The following TLK1 variants were observed in gnomAD, a reference collection of about 807,000 sequenced individuals.
The protein encoded by TLK1 is tousled like kinase 1, also known as serine/threonine-protein kinase tousled-like 1.
TLK1 carries 24 observed loss-of-function variants against 105.3 expected under a neutral mutation model. That is an observed-to-expected ratio of 0.23 (90% CI 0.17 to 0.32). The LOEUF is 0.32. Among genes scored for constraint, TLK1 ranks in the 10% least tolerant of loss-of-function variants. The pLI is 1.00. For missense variants in TLK1, 558 were observed against 910.5 expected (o/e 0.61, Z 4.98); for synonymous variants, 321 against 310.4 (o/e 1.03, Z -0.36).
intron 3 of TLK1, chr2:171,067,095 C>A: frequency 4.3e-6 from 4 of 932,388 alleles, no homozygotes; most frequent in Non-Finnish European, 4.5e-6. Context: ...TAGGTCTGTA[C>A]AATTATTTCT....
chr2:171,093,773 T>C (rs1054855913), intron 2 of TLK1, among the ~76,000 whole-genome samples: 2 of 152,134 alleles, frequency 1.3e-5, no homozygotes, highest in Non-Finnish European at 1.5e-5. Context: ...GTCAAATCTA[T>C]GGGGAAGAAT....
At chr2:171,084,508 G>A (rs930036) in intron 2 of TLK1, among the ~76,000 whole-genome samples, 70,530 of 152,032 alleles carry the variant, frequency 0.46, 18,267 homozygotes, top group African/African-American at 0.71. Flanking sequence ...GTTTTGAAGC[G>A]TGCCTAAAAA....
At chr2:171,187,263 A>G (rs544837753) in intron 1 of TLK1, among the ~76,000 whole-genome samples, 2 of 152,116 alleles carry the variant, frequency 1.3e-5, no homozygotes, top group East Asian at 3.9e-4. Flanking sequence ...ATCCACTCCT[A>G]GGAGCTTCCT....
chr2:171,081,180 A>T (rs190441488), intron 3 of TLK1, among the ~76,000 whole-genome samples: 1 of 152,330 alleles, frequency 6.6e-6, no homozygotes, highest in East Asian at 1.9e-4. Flanking sequence ...GATCCTTGGG[A>T]TCTTTAAAGG....
intron 3 of TLK1, among the ~76,000 whole-genome samples, chr2:171,074,791 C>T (rs544696571): frequency 6.6e-6 from 1 of 152,166 alleles, no homozygotes; most frequent in Admixed American, 6.5e-5. Flanking sequence ...ATCACACTAA[C>T]ATATTTTAGA....
chr2:171,120,498 T>C (rs1418133095), intron 1 of TLK1, among the ~76,000 whole-genome samples: 1 of 152,104 alleles, frequency 6.6e-6, no homozygotes, highest in Non-Finnish European at 1.5e-5. Flanking sequence ...TACAAATTTT[T>C]CCAAAGAAGA....
intron 2 of TLK1, among the ~76,000 whole-genome samples, chr2:171,098,057 T>G (rs1486465068): frequency 2.6e-5 from 4 of 152,040 alleles, no homozygotes; most frequent in Non-Finnish European, 4.4e-5. Flanking sequence ...TGAAATCTCA[T>G]GAAGCAATGA....
intron 1 of TLK1, among the ~76,000 whole-genome samples, chr2:171,144,209 T>C (rs533439599): frequency 1.1e-4 from 17 of 151,998 alleles, no homozygotes; most frequent in Non-Finnish European, 1.9e-4. Flanking sequence ...AAGGGAGAAA[T>C]AGACAAGCCA....
chr2:171,173,867 C>T lies in TLK1; in HGVS notation c.-5-56010G>A, dbSNP rs183934155. Among the ~76,000 whole-genome samples the T allele has an allele frequency of 4.9e-4, 75 of 152,176 alleles. 1 individual carries two copies. Among genetic ancestry groups the T allele is most frequent in the Admixed American group, 1.9e-3 (29 of 15,286 alleles). ...AGGAATAAGAACCAAGACAAGAACCCAGTTAGTTATCCAAACAAGAGAACT... is the reference window on the plus strand; with the variant it reads ...AGGAATAAGAACCAAGACAAGAACCTAGTTAGTTATCCAAACAAGAGAACT... On this transcript the variant is annotated intron_variant, in intron 1 of 20. Transcript: ENST00000521943.
At chr2:171,193,751 T>C (rs1385147109) in intron 1 of TLK1, among the ~76,000 whole-genome samples, 1 of 135,424 alleles carries the variant, frequency 7.4e-6, no homozygotes, top group Non-Finnish European at 1.5e-5. Context: ...GTTTCTCTCT[T>C]GTTGCCCAGG....
rs1052893054 is a variant in TLK1 at position 171,038,742 on chromosome 2, C to T, written c.1169+7432G>A. ...TTCAATCCTGTGAAATTTGCCGAGG[C>T]TTGCTTTATAACCAATTTTTTTATA... On this transcript the variant is annotated intron_variant, in intron 11 of 20. Transcript: ENST00000431350. Among the ~76,000 whole-genome samples, 4 of 152,138 alleles carry T rather than the reference C, an allele frequency of 2.6e-5. No individual in the cohort carries two copies. The East Asian group carries it at 5.8e-4, about 22-fold the overall frequency.
chr2:171,052,784 GAA>G (rs1687304882), intron 8 of TLK1, among the ~76,000 whole-genome samples: 1 of 152,186 alleles, frequency 6.6e-6, no homozygotes, highest in Non-Finnish European at 1.5e-5. Context: ...ACAGGATCAG[GAA>G]AAAGACACAC....
chr2:171,006,293 A>T lies in TLK1; in HGVS notation c.1769-11T>A. ...CCAGTAGGATGTTTCCTAAGAATAA[A>T]ATATAAGATTCTTTTAATGATACAT... On this transcript the variant is annotated splice_polypyrimidine_tract_variant and intron_variant, in intron 17 of 20. Transcript: ENST00000431350. 1 of 1,573,800 alleles carries T rather than the reference A, an allele frequency of 6.4e-7. No homozygotes were observed. Among genetic ancestry groups the T allele is most frequent in the Non-Finnish European group, 8.6e-7 (1 of 1,166,064 alleles).
chr2:171,195,278 C>T (rs949899366), intron 1 of TLK1, among the ~76,000 whole-genome samples: 6 of 151,936 alleles, frequency 3.9e-5, no homozygotes, highest in Admixed American at 3.3e-4. Flanking sequence ...CGGAGGCGGG[C>T]GGATCACGAG....
In TLK1 at chr2:170,993,094, G is replaced by A. The variant is rs191506067; in HGVS notation, c.*686C>T. ...GATTTCAACACAAGCAGCTCATTTT[G>A]TCAAAGGTGTAAAGTATTTAGAAAT... On this transcript the variant is annotated 3_prime_UTR_variant, in exon 21 of 21. Transcript: ENST00000431350. 5.8e-4 allele frequency: 88 copies of A among 152,720 alleles called. No individual in the cohort carries two copies. The highest frequency in any genetic ancestry group is 2.0e-3 in the African/African-American group (85 of 41,572). The allele number at this position is 152,720 out of a possible 1,614,324, so 9.5% of individuals were successfully genotyped here.
At chr2:171,228,754 T>C (rs1272445670) in intron 1 of TLK1, among the ~76,000 whole-genome samples, 1 of 152,180 alleles carries the variant, frequency 6.6e-6, no homozygotes, top group Non-Finnish European at 1.5e-5. Context: ...TTTTAGCCTA[T>C]GTTATTAGAT....
At chr2:171,222,839 G>C (rs1011544686) in intron 1 of TLK1, among the ~76,000 whole-genome samples, 1 of 151,714 alleles carries the variant, frequency 6.6e-6, no homozygotes, top group Non-Finnish European at 1.5e-5. Context: ...ATTTGAGATG[G>C]AGTCTCGCTC....
At chr2:171,063,901 A>G (rs1190663609) in intron 3 of TLK1, among the ~76,000 whole-genome samples, 2 of 152,246 alleles carry the variant, frequency 1.3e-5, no homozygotes, top group East Asian at 3.8e-4. Context: ...CATTCGTTAA[A>G]TACTTCACTG....
intron 11 of TLK1, among the ~76,000 whole-genome samples, chr2:171,036,406 TA>T (rs965952047): frequency 1.3e-5 from 2 of 152,114 alleles, no homozygotes; most frequent in Admixed American, 6.5e-5. Context: ...AAAAAAAGCA[TA>T]ATTTCTAAAA....
Sources: gnomAD v4.1 joint callset for allele counts (sites outside exome capture counted in the v4.1 genomes callset) on GRCh38, gnomAD v4.1.1 for gene constraint, MANE v1.5 for transcripts, NCBI Gene and HGNC (gene_info 2026-07-23, HGNC 2026-07-21) for gene names.